Variants in ANK3 observed in about 807,000 individuals in gnomAD.
ANK3 encodes the protein ankyrin 3.
Under a neutral mutation model 370.9 loss-of-function variants are expected in ANK3, and 57 were observed. The ratio of observed to expected loss-of-function variants is 0.15; its 90% CI spans 0.12 to 0.19. The LOEUF (loss-of-function observed/expected upper bound fraction) is 0.19. Ranked by LOEUF, ANK3 falls within the 10% of genes least tolerant of loss-of-function variation. ANK3 has a pLI of 1.00. For missense variants in ANK3, 4,439 were observed against 5,302.1 expected (o/e 0.84, Z 5.06); for synonymous variants, 1,929 against 1,946.3 (o/e 0.99, Z 0.23).
chr10:60,346,677 C>T (rs1338508104), intron 1 of ANK3, among the ~76,000 whole-genome samples: 1 of 152,038 alleles, frequency 6.6e-6, no homozygotes, highest in African/African-American at 2.4e-5. Context: ...ACATACATAA[C>T]CAACTCTCAT....
chr10:60,539,205 A>T (rs992806744), intron 2 of ANK3, among the ~76,000 whole-genome samples: 1 of 151,988 alleles, frequency 6.6e-6, no homozygotes, highest in African/African-American at 2.4e-5. Context: ...ATAGAAATCT[A>T]TGAAAATAGA....
At chr10:60,043,305 C>T in intron 42 of ANK3, 31 of 985,386 alleles carry the variant, frequency 3.1e-5, no homozygotes, top group Non-Finnish European at 3.7e-5. Context: ...CACAAATACT[C>T]AGTTTTTACC....
chr10:60,703,770 T>C (rs1034992317), intron 1 of ANK3, among the ~76,000 whole-genome samples: 5 of 152,184 alleles, frequency 3.3e-5, no homozygotes, highest in Non-Finnish European at 7.4e-5. Flanking sequence ...TGTGCACCTC[T>C]TCCTGCCCTC....
intron 2 of ANK3, among the ~76,000 whole-genome samples, chr10:60,448,936 A>G (rs1595055892): frequency 6.6e-6 from 1 of 152,228 alleles, no homozygotes; most frequent in East Asian, 1.9e-4. Flanking sequence ...TTTTCACAGG[A>G]TGCCAATTTG....
intron 2 of ANK3, among the ~76,000 whole-genome samples, chr10:60,432,918 C>T (rs1336923017): frequency 6.6e-6 from 1 of 152,076 alleles, no homozygotes; most frequent in Non-Finnish European, 1.5e-5. Context: ...GTTCCTGTTC[C>T]CGCATCAGCC....
chr10:60,367,545 C>A (rs978644949), intron 1 of ANK3, among the ~76,000 whole-genome samples: 3 of 152,212 alleles, frequency 2.0e-5, no homozygotes, highest in Non-Finnish European at 4.4e-5. Flanking sequence ...AAGCTTTTCT[C>A]CTTCAGGCAG....
At chr10:60,133,586 A>G (rs1382616249) in intron 25 of ANK3, among the ~76,000 whole-genome samples, 3 of 152,212 alleles carry the variant, frequency 2.0e-5, no homozygotes, top group African/African-American at 7.2e-5. Flanking sequence ...ACTAAAAACA[A>G]TTCTAACAAA....
intron 1 of ANK3, among the ~76,000 whole-genome samples, chr10:60,621,159 C>T (rs2078331710): frequency 6.6e-6 from 1 of 152,084 alleles, no homozygotes; most frequent in Admixed American, 6.6e-5. Context: ...CAAACGATGC[C>T]AGGCAATGCA....
chr10:60,430,837 A>G (rs754229433), intron 2 of ANK3, among the ~76,000 whole-genome samples: 1 of 152,204 alleles, frequency 6.6e-6, no homozygotes, highest in Admixed American at 6.5e-5. Flanking sequence ...TTCTTACTCT[A>G]CTATCTCTTA....
chr10:60,489,477 G>C lies in ANK3; in HGVS notation c.96+125709C>G, dbSNP rs1225330291. 2.0e-5 allele frequency among the ~76,000 whole-genome samples: 3 copies of C among 151,982 alleles called. No homozygotes were observed. The East Asian group carries it at 5.8e-4, about 29-fold the overall frequency. Reference sequence around the variant, plus strand: ...GAAACACAAAAAGCAGAAAAATATAGAAAAATTAAATTAAAACCATCTGTG... The same window carrying C: ...GAAACACAAAAAGCAGAAAAATATACAAAAATTAAATTAAAACCATCTGTG... On this transcript the variant is annotated intron_variant, in intron 2 of 43. Coordinates refer to the ANK3 transcript ENST00000373827.
intron 42 of ANK3, chr10:60,050,637 A>T (rs2077762388): frequency 6.6e-6 from 1 of 152,216 alleles, no homozygotes; most frequent in African/African-American, 2.4e-5. Flanking sequence ...TCTGAACTCA[A>T]TTATTCTAAC....
At position 60,109,016 on chromosome 10, in the gene ANK3, G is replaced by A; in HGVS notation, c.2987C>T (p.Ser996Phe). 6.2e-7 allele frequency: 1 copy of A among 1,613,756 alleles called. No homozygotes were observed. The highest frequency in any genetic ancestry group is 8.5e-7 in the Non-Finnish European group (1 of 1,179,972). Reference protein sequence around the residue: ...VSFMVDARGGSMRGSRHHGMR... With the variant: ...VSFMVDARGGFMRGSRHHGMR... ...CCCGTGATGACGGCTTCCTCTCATG[G>A]AGCCCCCTCTCGCGTCCACCATAAA... Residue 996 changes from serine (S) to phenylalanine (F), a missense_variant, in exon 27 of 44, where the codon TCC (serine) becomes TTC (phenylalanine). Coordinates refer to ENST00000280772, the MANE Select transcript of ANK3 (RefSeq NM_020987.5).
At chr10:60,695,599 A>C (rs536514630) in intron 1 of ANK3, among the ~76,000 whole-genome samples, 1 of 152,318 alleles carries the variant, frequency 6.6e-6, no homozygotes, top group South Asian at 2.1e-4. Flanking sequence ...TAAGAATCTC[A>C]CTCAAAACTG....
chr10:60,409,030 G>A (rs1463747956), intron 2 of ANK3, among the ~76,000 whole-genome samples: 13 of 152,186 alleles, frequency 8.5e-5, no homozygotes, highest in African/African-American at 2.9e-4. Context: ...AGCAGGCAGC[G>A]ATGTCAATAT....
intron 5 of ANK3, among the ~76,000 whole-genome samples, chr10:60,264,764 A>G (rs1439510577): frequency 6.6e-6 from 1 of 152,136 alleles, no homozygotes; most frequent in Non-Finnish European, 1.5e-5. Flanking sequence ...CTGGTTCATT[A>G]CTGTGCCCTG....
chr10:60,266,730 G>T (rs1246852750), intron 5 of ANK3, among the ~76,000 whole-genome samples: 1 of 152,280 alleles, frequency 6.6e-6, no homozygotes, highest in African/African-American at 2.4e-5. Context: ...AAAATTAGCA[G>T]CTCCAGATTT....
intron 12 of ANK3, among the ~76,000 whole-genome samples, chr10:60,202,061 C>T (rs772044055): frequency 9.9e-5 from 15 of 151,506 alleles, no homozygotes; most frequent in Non-Finnish European, 1.9e-4. Context: ...AACAACCTCT[C>T]CAACATGCGG....
chr10:60,224,126 G>A (rs2097102832), intron 8 of ANK3, among the ~76,000 whole-genome samples: 1 of 152,064 alleles, frequency 6.6e-6, no homozygotes, highest in Non-Finnish European at 1.5e-5. Flanking sequence ...ATTGAGGGAG[G>A]GGGTGCCTCA....
rs1195852728 is a variant in ANK3 at position 60,075,084 on chromosome 10, G to C, written c.5797C>G (p.Leu1933Val). The C allele has an allele frequency of 6.2e-7, 1 of 1,614,050 alleles. No homozygotes were observed. The highest frequency in any genetic ancestry group is 2.2e-5 in the East Asian group (1 of 44,860). The stretch of plus-strand genomic sequence containing the variant: ...TCATCTATTCTCCCTTCCTTTGGGA[G>C]TTCAGGTTGGAATGGCTTCTCCTCA... ...VPEEKPFQPE[L>V]PKEGRIDDEE... The change falls in exon 37 of 44, where the codon CTC (leucine) becomes GTC (valine). Residue 1933 changes from leucine (L) to valine (V), a missense_variant. Transcript: ENST00000280772.
Sources: gnomAD v4.1 joint callset for allele counts (sites outside exome capture counted in the v4.1 genomes callset) on GRCh38, gnomAD v4.1.1 for gene constraint, MANE v1.5 for transcripts, NCBI Gene and HGNC (gene_info 2026-07-23, HGNC 2026-07-21) for gene names.